PPP2R3A: variants seen among roughly 807,000 people sequenced by gnomAD.
The protein encoded by PPP2R3A is serine/threonine-protein phosphatase 2A regulatory subunit B'' subunit alpha.
A neutral mutation model predicts 106.9 loss-of-function variants in PPP2R3A; 80 were observed. The ratio of observed to expected loss-of-function variants is 0.75; its 90% confidence interval spans 0.62 to 0.90. The LOEUF (loss-of-function observed/expected upper bound fraction) is 0.90, where lower values mean the gene tolerates loss of function less well. Ranked by LOEUF, PPP2R3A falls within the 40% of genes least tolerant of loss-of-function variation. PPP2R3A has a pLI of 0.00. For missense variants in PPP2R3A, 1,386 were observed against 1,350.4 expected (o/e 1.03, Z -0.41); for synonymous variants, 483 against 468.3 (o/e 1.03, Z -0.41).
intron 8 of PPP2R3A, among the ~76,000 whole-genome samples, chr3:136,085,209 A>G (rs1936892723): frequency 6.6e-6 from 1 of 152,092 alleles, no homozygotes; most frequent in Admixed American, 6.5e-5. Context: ...TAATTGAGTC[A>G]TGGGGGCGGG....
At chr3:136,056,872 A>G (rs1935881026) in intron 5 of PPP2R3A, among the ~76,000 whole-genome samples, 1 of 152,144 alleles carries the variant, frequency 6.6e-6, no homozygotes, top group Non-Finnish European at 1.5e-5. Flanking sequence ...ACTCAAAACA[A>G]CTCAATAGCA....
chr3:136,027,716 A>G (rs1408102358), intron 3 of PPP2R3A, among the ~76,000 whole-genome samples: 1 of 152,198 alleles, frequency 6.6e-6, no homozygotes, highest in Non-Finnish European at 1.5e-5. Context: ...AGCAATATTC[A>G]AGAATTCCCA....
chr3:135,976,366 C>A (rs575318338), intron 1 of PPP2R3A, among the ~76,000 whole-genome samples: 1 of 152,242 alleles, frequency 6.6e-6, no homozygotes, highest in African/African-American at 2.4e-5. Flanking sequence ...CCATCAGGAC[C>A]GTCATGGTAG....
At chr3:136,083,489 A>C (rs983486517) in intron 8 of PPP2R3A, among the ~76,000 whole-genome samples, 2 of 152,136 alleles carry the variant, frequency 1.3e-5, no homozygotes, top group Non-Finnish European at 2.9e-5. Flanking sequence ...ATGTGGAACT[A>C]TGAGTCCATT....
intron 13 of PPP2R3A, among the ~76,000 whole-genome samples, chr3:136,113,853 G>C (rs1937641745): frequency 6.6e-6 from 1 of 151,860 alleles, no homozygotes; most frequent in Admixed American, 6.6e-5. Context: ...AGAAAACCTG[G>C]GAAATAACAT....
rs530569106 is a variant in PPP2R3A, at chr3:136,129,205, A to C, written c.3330-15838A>C. On this transcript the variant is annotated intron_variant, in intron 13 of 13. Transcript: ENST00000264977. ...GAAAGAGATAGAGACAAAAAAAAAA[A>C]CCTTCAAAAAATCAATGAATCCAGG... Among the ~76,000 whole-genome samples the C allele has an allele frequency of 3.8e-4, 58 of 151,620 alleles. 1 individual carries two copies. In the South Asian group the frequency reaches 0.011, roughly 29 times the overall value.
intron 4 of PPP2R3A, among the ~76,000 whole-genome samples, chr3:136,046,603 A>G (rs936662362): frequency 6.6e-6 from 1 of 152,214 alleles, no homozygotes; most frequent in Non-Finnish European, 1.5e-5. Flanking sequence ...AGCTCCATCC[A>G]AAGGACAAAG....
intron 8 of PPP2R3A, among the ~76,000 whole-genome samples, chr3:136,083,527 T>C (rs891334815): frequency 6.6e-6 from 1 of 152,200 alleles, no homozygotes; most frequent in African/African-American, 2.4e-5. Context: ...AATTACCCAG[T>C]CTCAGGTATG....
intron 10 of PPP2R3A, among the ~76,000 whole-genome samples, chr3:136,100,577 G>A (rs1937335540): frequency 6.6e-6 from 1 of 152,000 alleles, no homozygotes; most frequent in Non-Finnish European, 1.5e-5. Flanking sequence ...TACTTAGGAG[G>A]CTGAGGCAGA....
Position 136,047,405 on chromosome 3 carries a change from A to G in PPP2R3A, c.2367-1854A>G, listed in dbSNP as rs112091811. On this transcript the variant is annotated intron_variant, in intron 4 of 13. Coordinates refer to ENST00000264977, the MANE Select transcript of PPP2R3A (RefSeq NM_002718.5). ...ATGGAATCAACATACATGCCCATCA[A>G]TGGTGGACTGGATAAAGAAAATGTG... is the stretch of plus-strand genomic sequence containing the variant. Among the ~76,000 whole-genome samples, 24 of 152,378 alleles carry G rather than the reference A, an allele frequency of 1.6e-4. 1 individual carries two copies. Among genetic ancestry groups the G allele is most frequent in the African/African-American group, 3.8e-4 (16 of 41,582 alleles).
chr3:136,040,801 G>A, intron 3 of PPP2R3A, 58 bp from the exon 4 acceptor site: 1 of 1,409,772 alleles, frequency 7.1e-7, no homozygotes, highest in Non-Finnish European at 9.7e-7. Context: ...TCTTTTCTTT[G>A]GCCGTGTCAT....
At chr3:136,033,619 G>T (rs1934982952) in intron 3 of PPP2R3A, among the ~76,000 whole-genome samples, 1 of 152,124 alleles carries the variant, frequency 6.6e-6, no homozygotes, top group Non-Finnish European at 1.5e-5. Context: ...TAGAAGGGTT[G>T]TATCTTTCCA....
In PPP2R3A at chr3:136,003,437, A is replaced by G; in HGVS notation, c.1939A>G (p.Lys647Glu). 1 of 1,613,826 alleles carries G rather than the reference A, an allele frequency of 6.2e-7. No individual in the cohort carries two copies. Among genetic ancestry groups the G allele is most frequent in the Non-Finnish European group, 8.5e-7 (1 of 1,179,838 alleles). The change falls in exon 2 of 14, where the codon AAA becomes GAA. Residue 647 changes from lysine to glutamate, a missense_variant. Physicochemically the swap from Lys to Glu is moderately conservative, Grantham distance 56. Coordinates refer to ENST00000264977, the MANE Select transcript of PPP2R3A (RefSeq NM_002718.5). ...AGTCTGTAGAAGTCCTGTTGGTGAT[A>G]AAGCCAAAGATACTACTTCAGCAGT... is the stretch of plus-strand genomic sequence containing the variant. ...LSVCRSPVGDKAKDTTSAVLI... is the reference protein window; with the variant it reads ...LSVCRSPVGDEAKDTTSAVLI...
chr3:136,034,534 A>G (rs947488373), intron 3 of PPP2R3A, among the ~76,000 whole-genome samples: 6 of 152,122 alleles, frequency 3.9e-5, no homozygotes, highest in African/African-American at 1.4e-4. Context: ...CATGGTTTTG[A>G]GGGTTCCTTT....
At chr3:136,009,267 T>C (rs1417692156) in intron 2 of PPP2R3A, among the ~76,000 whole-genome samples, 2 of 152,102 alleles carry the variant, frequency 1.3e-5, no homozygotes, top group African/African-American at 4.8e-5. Flanking sequence ...TTGCATTTCA[T>C]TGCTGCTCTA....
chr3:136,106,392 C>T, intron 13 of PPP2R3A, 70 bp downstream of exon 13: 2 of 1,304,976 alleles, frequency 1.5e-6, no homozygotes, highest in Admixed American at 4.5e-5. Flanking sequence ...TTAAAACCCC[C>T]TTACAAAATC....
intron 13 of PPP2R3A, among the ~76,000 whole-genome samples, chr3:136,117,738 C>A (rs1937830251): frequency 6.6e-6 from 1 of 152,022 alleles, no homozygotes; most frequent in East Asian, 1.9e-4. Flanking sequence ...TAATTAATAC[C>A]CTACAAACCA....
At position 136,078,128 on chromosome 3, in the gene PPP2R3A, G is replaced by C. The variant is rs141590595; in HGVS notation, c.2545-239G>C. On this transcript the variant is annotated intron_variant, in intron 6 of 13. Coordinates refer to ENST00000264977, the MANE Select transcript of PPP2R3A (RefSeq NM_002718.5). ...AAAAGAAGTGATGTGAAGGCAGTTG[G>C]GAAGTGAAGACTTGTGAGCAGAGAA... Among the ~76,000 whole-genome samples the C allele has an allele frequency of 8.3e-4, 127 of 152,278 alleles. No homozygotes were observed. The South Asian group carries it at 0.011, about 13-fold the overall frequency.
intron 2 of PPP2R3A, among the ~76,000 whole-genome samples, chr3:136,016,467 T>A (rs1178767225): frequency 6.6e-6 from 1 of 152,152 alleles, no homozygotes; most frequent in Non-Finnish European, 1.5e-5. Context: ...TTCTTAGGTC[T>A]AGTAGTAATT....
Sources: gnomAD v4.1 joint callset for allele counts (sites outside exome capture counted in the v4.1 genomes callset) on GRCh38, gnomAD v4.1.1 for gene constraint, MANE v1.5 for transcripts, NCBI Gene and HGNC (gene_info 2026-07-23, HGNC 2026-07-21) for gene names.